APP: variants seen among roughly 807,000 people sequenced by gnomAD.
APP encodes amyloid beta precursor protein, also known as amyloid-beta precursor protein.
A neutral mutation model predicts 101.4 loss-of-function variants in APP; 31 were observed. The ratio of observed to expected loss-of-function variants is 0.31; its 90% CI spans 0.23 to 0.41. The LOEUF (loss-of-function observed/expected upper bound fraction) is 0.41. Ranked by LOEUF, APP falls within the 10% of genes least tolerant of loss-of-function variation. The pLI is 1.00. For missense variants in APP, 839 were observed against 1,003.7 expected, an observed-to-expected ratio of 0.84 and a Z score of 2.22; for synonymous variants, 366 against 364.4, an observed-to-expected ratio of 1.00 and a Z score of -0.05.
chr21:25,937,063 T>TAAAAG (rs1358294903), intron 13 of APP, among the ~76,000 whole-genome samples: 162 of 152,224 alleles, frequency 1.1e-3, no homozygotes, highest in East Asian at 5.8e-4. Context: ...AAAAAGCTTT[T>TAAAAG]CTTTTTCTTT....
chr21:26,120,996 C>T (rs2062555251), intron 1 of APP, among the ~76,000 whole-genome samples: 2 of 152,160 alleles, frequency 1.3e-5, no homozygotes, highest in African/African-American at 2.4e-5. Context: ...AGGCTCCCGC[C>T]CAGCCCTCTC....
At chr21:25,888,546 TAAACA>T (rs1203672913) in intron 17 of APP, among the ~76,000 whole-genome samples, 3 of 151,810 alleles carry the variant, frequency 2.0e-5, no homozygotes, top group Non-Finnish European at 4.4e-5. Context: ...TGAGAGGAAA[TAAACA>T]AAACAAACAC....
chr21:26,017,198 C>CAAAAAAA (rs35206910), intron 6 of APP, among the ~76,000 whole-genome samples: 2,711 of 55,990 alleles, frequency 0.048, 241 homozygotes, highest in African/African-American at 0.087. Flanking sequence ...GACTGTATCT[C>CAAAAAAA]AAAAAAAAAA....
At chr21:25,910,729 G>C (rs574352500) in intron 14 of APP, among the ~76,000 whole-genome samples, 1 of 152,300 alleles carries the variant, frequency 6.6e-6, no homozygotes, top group African/African-American at 2.4e-5. Context: ...AAAACATTTA[G>C]AGCAATGTGC....
chr21:25,947,937 G>A (rs770954460), intron 13 of APP, among the ~76,000 whole-genome samples: 4 of 148,666 alleles, frequency 2.7e-5, no homozygotes, highest in African/African-American at 7.5e-5. Context: ...CCCGGGAGGC[G>A]GAGGTTGCAG....
chr21:25,987,526 C>A (rs2042684213), intron 8 of APP, among the ~76,000 whole-genome samples: 1 of 152,180 alleles, frequency 6.6e-6, no homozygotes, highest in Non-Finnish European at 1.5e-5. Flanking sequence ...GCTATTACCT[C>A]CCTTCCTTTT....
intron 17 of APP, 94 bp downstream of exon 17, chr21:25,891,626 TAA>T (rs1410047501): frequency 5.5e-6 from 7 of 1,279,678 alleles, no homozygotes; most frequent in African/African-American, 2.9e-5. Context: ...ATTCGTTTTT[TAA>T]AAGAGATACT....
At chr21:25,972,288 T>C (rs902965149) in intron 11 of APP, among the ~76,000 whole-genome samples, 34 of 151,900 alleles carry the variant, frequency 2.2e-4, no homozygotes, top group African/African-American at 8.0e-4. Flanking sequence ...CATATCAAAA[T>C]TAAATTGTTA....
At chr21:25,980,692 C>CA (rs1384115047) in intron 9 of APP, among the ~76,000 whole-genome samples, 1 of 146,430 alleles carries the variant, frequency 6.8e-6, no homozygotes, top group Non-Finnish European at 1.5e-5. Flanking sequence ...AACAAACAAA[C>CA]AAAAAACAGT....
chr21:25,886,038 T>C (rs1053113165), intron 17 of APP, among the ~76,000 whole-genome samples: 17 of 152,126 alleles, frequency 1.1e-4, no homozygotes, highest in African/African-American at 3.9e-4. Context: ...GATGTCCTTT[T>C]ATACAAGGGA....
In APP at chr21:26,067,665, T is replaced by C. The variant is rs190822990; in HGVS notation, c.356-14317A>G. 1.3e-3 allele frequency among the ~76,000 whole-genome samples: 203 copies of C among 152,300 alleles called. 1 individual carries two copies. Among genetic ancestry groups the C allele is most frequent in the African/African-American group, 4.8e-3 (198 of 41,562 alleles). ...CAGCAAACTGCTCATCTCCCCCCATTTCTCTTGTTGCAGTTCTCATATCAT... is the reference window on the plus strand; with the variant it reads ...CAGCAAACTGCTCATCTCCCCCCATCTCTCTTGTTGCAGTTCTCATATCAT... On this transcript the variant is annotated intron_variant, in intron 3 of 17. Transcript: ENST00000346798.
intron 1 of APP, among the ~76,000 whole-genome samples, chr21:26,129,345 C>T (rs1169202337): frequency 6.6e-6 from 1 of 151,998 alleles, no homozygotes; most frequent in Admixed American, 6.6e-5. Context: ...GTGGCAGCTG[C>T]CTGTAATCCC....
chr21:25,970,140 A>AT lies in APP; in HGVS notation c.1458+4929dup, dbSNP rs1013986098. On this transcript the variant is annotated intron_variant, in intron 11 of 17. Transcript: ENST00000346798. ...ATATTTCTTCCTAATCCAGTTTTTA[A>AT]TTTTTTTTTCAAATGAACATGTTGC... Among the ~76,000 whole-genome samples the AT allele has an allele frequency of 8.5e-4, 128 of 151,230 alleles. 1 individual carries two copies. Among genetic ancestry groups the AT allele is most frequent in the African/African-American group, 2.9e-3 (121 of 41,262 alleles).
At chr21:26,017,409 C>CAA (rs373376674) in intron 6 of APP, among the ~76,000 whole-genome samples, 2,233 of 110,974 alleles carry the variant, frequency 0.02, 48 homozygotes, top group Middle Eastern at 0.041. Context: ...AATCCCGTGT[C>CAA]AAAAAAAAAA....
At chr21:26,014,041 C>G (rs1470036119) in intron 6 of APP, among the ~76,000 whole-genome samples, 2 of 152,088 alleles carry the variant, frequency 1.3e-5, no homozygotes, top group Non-Finnish European at 2.9e-5. Context: ...AGAAGTGCAT[C>G]CTCTCCATCT....
At chr21:25,979,911 T>C (rs1163028243) in intron 9 of APP, among the ~76,000 whole-genome samples, 1 of 53,858 alleles carries the variant, frequency 1.9e-5, no homozygotes, top group Non-Finnish European at 4.0e-5. Context: ...ATAATGCAGG[T>C]GTGTCCAGAA....
chr21:25,981,681 G>A (rs1283023818), intron 9 of APP, among the ~76,000 whole-genome samples: 3 of 139,636 alleles, frequency 2.1e-5, no homozygotes, highest in African/African-American at 5.3e-5. Flanking sequence ...TTAAGGACCT[G>A]CTAAAAAAAA....
intron 17 of APP, among the ~76,000 whole-genome samples, chr21:25,890,487 T>A (rs2037618137): frequency 6.6e-6 from 1 of 152,114 alleles, no homozygotes; most frequent in African/African-American, 2.4e-5. Context: ...ACGCCTGTAA[T>A]CCCAGCACTT....
At chr21:26,007,869 T>C (rs1011547728) in intron 6 of APP, among the ~76,000 whole-genome samples, 19 of 152,204 alleles carry the variant, frequency 1.2e-4, no homozygotes, top group African/African-American at 4.6e-4. Flanking sequence ...ATTACTCTAA[T>C]AAGGCAATAA....
Sources: allele counts gnomAD v4.1 joint callset (sites outside exome capture counted in the v4.1 genomes callset), GRCh38; gene constraint gnomAD v4.1.1; transcripts MANE v1.5; gene names NCBI Gene and HGNC (gene_info 2026-07-23, HGNC 2026-07-21).